The following CAMSAP3 variants were observed in gnomAD, a reference collection of about 807,000 sequenced individuals.
CAMSAP3 encodes the protein calmodulin regulated spectrin associated protein family member 3.
A neutral mutation model predicts 112.5 loss-of-function variants in CAMSAP3; 34 were observed. The ratio of observed to expected loss-of-function variants is 0.30; its 90% CI spans 0.23 to 0.40. The LOEUF (loss-of-function observed/expected upper bound fraction) is 0.40. Ranked by LOEUF, CAMSAP3 falls within the 10% of genes least tolerant of loss-of-function variation. The pLI is 1.00. For missense variants in CAMSAP3, 1,602 were observed against 1,770.3 expected, an observed-to-expected ratio of 0.90 and a Z score of 1.71; for synonymous variants, 868 against 799.8, an observed-to-expected ratio of 1.09 and a Z score of -1.44.
In CAMSAP3 at chr19:7,607,391, C is replaced by T. The variant is rs1050270169; in HGVS notation, c.622-735C>T. On this transcript the variant is annotated intron_variant, in intron 4 of 16. Transcript: ENST00000160298. The surrounding 1 kb of genome is among the most constrained non-coding windows in gnomAD (Gnocchi z 4.9). ...TCTCTTCCCTGAATGAGCTGTGTGA[C>T]CTTGCAGAAGTATCTAAACCTCTCT... Among the ~76,000 whole-genome samples the T allele has an allele frequency of 1.3e-5, 2 of 152,216 alleles. No individual in the cohort carries two copies. Among genetic ancestry groups the T allele is most frequent in the African/African-American group, 4.8e-5 (2 of 41,448 alleles).
chr19:7,603,163 C>T (rs534097538), intron 1 of CAMSAP3, among the ~76,000 whole-genome samples: 1 of 151,886 alleles, frequency 6.6e-6, no homozygotes, highest in Admixed American at 6.6e-5. Context: ...CAAATATGTT[C>T]TGAAGCACTA....
rs1451207040 is a variant in CAMSAP3 at position 7,606,495 on chromosome 19, A to T, written c.545A>T (p.Glu182Val). 1.9e-6 allele frequency: 3 copies of T among 1,577,480 alleles called. No individual in the cohort carries two copies. The highest frequency in any genetic ancestry group is 2.6e-6 in the Non-Finnish European group (3 of 1,169,200). The change falls in exon 4 of 17, where the codon GAG becomes GTG. Residue 182 changes from glutamate (E) to valine (V), a missense_variant. By Grantham distance (121) the Glu-to-Val change is moderately radical. Transcript: ENST00000160298. ...CTCCAGACCGTCCGGCGGCTGCAGG[A>T]GAAGACCGAGCAGGAAGCGGCCCAG... is the stretch of plus-strand genomic sequence containing the variant. ...WVDTTVRRLQEKTEQEAAQRA... is the reference protein window; with the variant it reads ...WVDTTVRRLQVKTEQEAAQRA...
chr19:7,610,454 C>A lies in CAMSAP3; in HGVS notation c.761-22C>A. On this transcript the variant is annotated intron_variant, in intron 5 of 16. Coordinates refer to ENST00000160298, the MANE Select transcript of CAMSAP3 (RefSeq NM_020902.2). This position sits in a 1 kb window ranked among gnomAD's most constrained non-coding sequence, Gnocchi z 4.9. ...ATCCTCCTCCTCATAGAGTTGGGGA[C>A]CCACTCCTCCTGTCCCCACAGAGGT... The A allele has an allele frequency of 1.3e-6, 2 of 1,595,300 alleles. No individual in the cohort carries two copies. Among genetic ancestry groups the A allele is most frequent in the South Asian group, 1.1e-5 (1 of 87,940 alleles).
chr19:7,607,160 A>C lies in CAMSAP3; in HGVS notation c.621+589A>C, dbSNP rs62113419. On this transcript the variant is annotated intron_variant, in intron 4 of 16. Transcript: ENST00000160298. This position sits in a 1 kb window ranked among gnomAD's most constrained non-coding sequence, Gnocchi z 4.9. ...TTAGCCGAGGTGGGGAGACCACATA[A>C]ATTTCTGAAGGGGGGACCTGCAGCC... Among the ~76,000 whole-genome samples, 16,677 of 152,088 alleles carry C rather than the reference A, an allele frequency of 0.11. 1,093 individuals carry two copies. Among genetic ancestry groups the C allele is most frequent in the Non-Finnish European group, 0.15 (10,280 of 67,968 alleles).
In CAMSAP3 at chr19:7,612,241, C is replaced by T. The variant is rs1201694169; in HGVS notation, c.1748C>T (p.Ala583Val). Residue 583 changes from alanine to valine, a missense_variant, in exon 11 of 17, where the codon GCG (alanine) becomes GTG (valine). Transcript: ENST00000160298. ...QLVKAEAEAG[A>V]GSPTSTPAPP... ...GTGAAGGCAGAGGCTGAGGCCGGAG[C>T]GGGGTCCCCCACGTCCACTCCGGCC... 2 of 1,590,380 alleles carry T rather than the reference C, an allele frequency of 1.3e-6. No homozygotes were observed. Among genetic ancestry groups the T allele is most frequent in the East Asian group, 2.3e-5 (1 of 43,404 alleles).
At position 7,611,912 on chromosome 19, in the gene CAMSAP3, C is replaced by G; in HGVS notation, c.1419C>G (p.Leu473=). ...LQIIHSAEPR[L]LPDGAADGSF... The stretch of plus-strand genomic sequence containing the variant: ...TCATCCACAGTGCCGAGCCCCGGCT[C>G]CTCCCAGATGGGGCGGCCGACGGCA... The change falls in exon 11 of 17, where the codon CTC becomes CTG. Residue 473 remains leucine, a synonymous_variant. Transcript: ENST00000160298. This position sits in a 1 kb window ranked among gnomAD's most constrained non-coding sequence, Gnocchi z 6.9. 1 of 1,584,696 alleles carries G rather than the reference C, an allele frequency of 6.3e-7. No homozygotes were observed. The highest frequency in any genetic ancestry group is 8.6e-7 in the Non-Finnish European group (1 of 1,162,586).
At chr19:7,613,187 G>A (rs1172967509) in intron 11 of CAMSAP3, 24 bp downstream of exon 11, 1 of 1,436,324 alleles carries the variant, frequency 7.0e-7, no homozygotes, top group South Asian at 1.4e-5. Context: ...CAGGTGGCTG[G>A]AGGGTCCTGG....
Position 7,611,246 on chromosome 19 carries a change from C to T in CAMSAP3, c.1123+78C>T. The T allele has an allele frequency of 7.1e-7, 1 of 1,405,150 alleles. No individual in the cohort carries two copies. Among genetic ancestry groups the T allele is most frequent in the Non-Finnish European group, 1.0e-6 (1 of 998,506 alleles). 87.0% of individuals were successfully genotyped at this position (1,405,150 alleles called of 1,614,324 possible). On this transcript the variant is annotated intron_variant, in intron 9 of 16. Coordinates refer to ENST00000160298, the MANE Select transcript of CAMSAP3 (RefSeq NM_020902.2). This position sits in a 1 kb window ranked among gnomAD's most constrained non-coding sequence, Gnocchi z 6.9. ...TGCCCCAGTGGGCCTCATGTTGTCT[C>T]CTCGTGAGCCTTCCAATAGCCTCTC...
At chr19:7,608,071 C>T (rs1362334631) in intron 4 of CAMSAP3, 55 bp from the exon 5 acceptor site, 1 of 1,584,378 alleles carries the variant, frequency 6.3e-7, no homozygotes, top group African/African-American at 1.3e-5. Flanking sequence ...GCCTGCATGA[C>T]CGCTGACCCT....
In CAMSAP3 at chr19:7,613,011, C is replaced by G; in HGVS notation, c.2518C>G (p.Arg840Gly). Reference protein sequence around the residue: ...EETPPEEPAARPGLIEIPLGS... With the variant: ...EETPPEEPAAGPGLIEIPLGS... ...GACGCCCCCCGAGGAGCCAGCCGCCCGGCCGGGCCTCATCGAGATCCCGCT... is the reference window on the plus strand; with the variant it reads ...GACGCCCCCCGAGGAGCCAGCCGCCGGGCCGGGCCTCATCGAGATCCCGCT... The change falls in exon 11 of 17, where the codon CGG becomes GGG. Residue 840 changes from arginine (R) to glycine (G), a missense_variant. This residue lies in a region of CAMSAP3 where 1,100 missense variants were observed against 1,135.7 expected (regional missense o/e 0.97). Coordinates refer to ENST00000160298, the MANE Select transcript of CAMSAP3 (RefSeq NM_020902.2). 6.4e-7 allele frequency: 1 copy of G among 1,564,206 alleles called. No homozygotes were observed. The highest frequency in any genetic ancestry group is 8.6e-7 in the Non-Finnish European group (1 of 1,156,596).
chr19:7,605,176 G>GTGTGTGTGTGTGTGT (rs745552516), intron 1 of CAMSAP3, 50 bp from the exon 2 acceptor site: 1 of 1,331,318 alleles, frequency 7.5e-7, no homozygotes, highest in Non-Finnish European at 1.0e-6. Flanking sequence ...GTGTGTGTGT[G>GTGTGTGTGTGTGTGT]TTGTATCTGG....
intron 11 of CAMSAP3, among the ~76,000 whole-genome samples, chr19:7,614,259 CAAAAAAAAA>C (rs1173068955): frequency 2.7e-4 from 5 of 18,768 alleles, no homozygotes; most frequent in African/African-American, 1.0e-3. Context: ...GACTCCATCT[CAAAAAAAAA>C]AAAAAAAAAA....
At position 7,613,179 on chromosome 19, in the gene CAMSAP3, G is replaced by A; in HGVS notation, c.2670+16G>A. The A allele has an allele frequency of 6.8e-7, 1 of 1,468,674 alleles. No homozygotes were observed. The highest frequency in any genetic ancestry group is 9.1e-7 in the Non-Finnish European group (1 of 1,096,912). 91.0% of individuals were successfully genotyped at this position (1,468,674 alleles called of 1,614,324 possible). A position where few individuals can be genotyped will look rare whatever the true frequency, so the allele number is the denominator to read the frequency against. On this transcript the variant is annotated intron_variant, in intron 11 of 16. Transcript: ENST00000160298. Reference sequence around the variant, plus strand: ...CTTCTACAAGGTGAGTCCCCGAGCAGGTGGCTGGAGGGTCCTGGGCCTGGG... The same window carrying A: ...CTTCTACAAGGTGAGTCCCCGAGCAAGTGGCTGGAGGGTCCTGGGCCTGGG...
chr19:7,613,849 C>T (rs1346349047), intron 11 of CAMSAP3, among the ~76,000 whole-genome samples: 1 of 152,102 alleles, frequency 6.6e-6, no homozygotes, highest in Non-Finnish European at 1.5e-5. Context: ...GCTTTCCCAG[C>T]CGGGGACACC....
rs777932924 is a variant in CAMSAP3 at position 7,617,796 on chromosome 19, C to T, written c.3489C>T (p.Arg1163=). 9 of 1,613,148 alleles carry T rather than the reference C, an allele frequency of 5.6e-6. No homozygotes were observed. The highest frequency in any genetic ancestry group is 2.2e-5 in the South Asian group (2 of 91,064). The stretch of plus-strand genomic sequence containing the variant: ...CCAACCACTTCCTGATCCTCTTTCG[C>T]GACTCGAGCTGCCAGTTCCGGGCGC... ...SKANHFLILF[R]DSSCQFRALY... Residue 1163 remains arginine, a synonymous_variant, in exon 17 of 17, where the codon CGC becomes CGT. Transcript: ENST00000160298. This position sits in a 1 kb window ranked among gnomAD's most constrained non-coding sequence, Gnocchi z 7.5.
At chr19:7,599,698 G>A (rs1322507204) in intron 1 of CAMSAP3, among the ~76,000 whole-genome samples, 9 of 30,304 alleles carry the variant, frequency 3.0e-4, no homozygotes, top group Non-Finnish European at 4.7e-4. Context: ...ATCCACCCAC[G>A]CACTCATCCA....
Position 7,595,942 on chromosome 19 carries a change from G to C in CAMSAP3, c.-61G>C, listed in dbSNP as rs987118103. On this transcript the variant is annotated 5_prime_UTR_variant, in exon 1 of 17. Coordinates refer to ENST00000160298, the MANE Select transcript of CAMSAP3 (RefSeq NM_020902.2). ...GCGGGCCCGGCTGGGGCGCGAGCGC[G>C]GCGCAGCCCAGCCCAGCCCAGTCCG... 7.9e-6 allele frequency: 7 copies of C among 883,484 alleles called. No homozygotes were observed. The Admixed American group carries it at 3.8e-4, about 48-fold the overall frequency. The allele number at this position is 883,484 out of a possible 1,614,324, so 54.7% of individuals were successfully genotyped here. A position where few individuals can be genotyped will look rare whatever the true frequency, so the allele number is the denominator to read the frequency against.
chr19:7,595,888 CGGCGGCGGCGGCAGCGGCGGT>C lies in CAMSAP3; in HGVS notation c.-114_-94del. On this transcript the variant is annotated 5_prime_UTR_variant, in exon 1 of 17. Transcript: ENST00000160298. The stretch of plus-strand genomic sequence containing the variant: ...GCACCTGGCTCAGCAGCGGCGGCGG[CGGCGGCGGCGGCAGCGGCGGT>C]AGCAGCAGCGGGCCCGGCTGGGGCG... 1 of 419,648 alleles carries C rather than the reference CGGCGGCGGCGGCAGCGGCGGT, an allele frequency of 2.4e-6. No individual in the cohort carries two copies. The highest frequency in any genetic ancestry group is 3.2e-6 in the Non-Finnish European group (1 of 314,840). 26.0% of individuals were successfully genotyped at this position (419,648 alleles called of 1,614,324 possible). A position where few individuals can be genotyped will look rare whatever the true frequency, so the allele number is the denominator to read the frequency against.
intron 2 of CAMSAP3, 27 bp from the exon 3 acceptor site, chr19:7,606,244 C>T (rs950599333): frequency 1.3e-6 from 2 of 1,545,640 alleles, no homozygotes; most frequent in Non-Finnish European, 1.8e-6. Context: ...GCTCTCAGGT[C>T]TCACCCTCTA....
Sources: gnomAD v4.1 joint callset for allele counts (sites outside exome capture counted in the v4.1 genomes callset) on GRCh38, gnomAD v4.1.1 for gene constraint, gnomAD v4.1.1 regional missense constraint, Gnocchi (gnomAD v3.1) non-coding constraint, MANE v1.5 for transcripts, NCBI Gene and HGNC (gene_info 2026-07-23, HGNC 2026-07-21) for gene names.